The following TACR1 variants were observed in gnomAD, a reference collection of about 807,000 sequenced individuals.
The protein encoded by TACR1 is tachykinin receptor 1, also known as substance-P receptor.
In TACR1, 25 loss-of-function variants were observed where a neutral mutation model predicts 35.8. The observed-to-expected ratio is 0.70, with a 90% confidence interval of 0.51 to 0.98. The LOEUF (loss-of-function observed/expected upper bound fraction) is 0.98, where lower values mean the gene tolerates loss of function less well. TACR1 is among the 50% of genes least tolerant of loss of function. The pLI, the probability that TACR1 is intolerant of heterozygous loss-of-function variation, is 0.00. For missense variants in TACR1, 478 were observed against 522.9 expected, an observed-to-expected ratio of 0.91 and a Z score of 0.84; for synonymous variants, 195 against 206.7, an observed-to-expected ratio of 0.94 and a Z score of 0.48.
chr2:75,094,379 G>A (rs1035419716), intron 2 of TACR1, among the ~76,000 whole-genome samples: 3 of 152,098 alleles, frequency 2.0e-5, no homozygotes, highest in Non-Finnish European at 2.9e-5. Context: ...ATTTTTCCAG[G>A]CGCCATGAAA....
chr2:75,155,411 A>G (rs1414009237), intron 1 of TACR1, among the ~76,000 whole-genome samples: 1 of 150,148 alleles, frequency 6.7e-6, no homozygotes, highest in Non-Finnish European at 1.5e-5. Context: ...CTTTGCTTAC[A>G]TGCCCTTCTT....
chr2:75,187,020 G>T (rs1292856900), intron 1 of TACR1: 1 of 152,196 alleles, frequency 6.6e-6, no homozygotes, highest in Non-Finnish European at 1.5e-5. Context: ...CCAGCTCTTG[G>T]AAAACTGGCC....
chr2:75,077,292 A>G (rs551696806), intron 2 of TACR1, among the ~76,000 whole-genome samples: 130 of 152,290 alleles, frequency 8.5e-4, no homozygotes, highest in African/African-American at 2.8e-3. Flanking sequence ...TTTACTGATG[A>G]GAACAGAGGT....
At chr2:75,179,625 T>C (rs1675513203) in intron 1 of TACR1, among the ~76,000 whole-genome samples, 1 of 152,224 alleles carries the variant, frequency 6.6e-6, no homozygotes, top group Admixed American at 6.5e-5. Flanking sequence ...GGCCTGGCCA[T>C]GTGACTAGCT....
intron 1 of TACR1, among the ~76,000 whole-genome samples, chr2:75,171,496 T>A (rs1326662962): frequency 1.3e-5 from 2 of 152,174 alleles, no homozygotes; most frequent in African/African-American, 4.8e-5. Context: ...CACTGCCTAG[T>A]GGAGCTGTCA....
chr2:75,153,805 A>G (rs1218326210), intron 1 of TACR1, among the ~76,000 whole-genome samples: 1 of 152,208 alleles, frequency 6.6e-6, no homozygotes, highest in Non-Finnish European at 1.5e-5. Context: ...TCCTGTGTGC[A>G]AGGATTTAAT....
chr2:75,139,179 C>T (rs2103944530), intron 1 of TACR1, among the ~76,000 whole-genome samples: 1 of 152,246 alleles, frequency 6.6e-6, no homozygotes, highest in East Asian at 1.9e-4. Flanking sequence ...ATGGGGCTGT[C>T]CAGGTATCAT....
chr2:75,099,872 G>A (rs532214103), intron 2 of TACR1, among the ~76,000 whole-genome samples: 3 of 152,256 alleles, frequency 2.0e-5, no homozygotes, highest in South Asian at 2.1e-4. Context: ...TATGACTCAC[G>A]TTTTTATATC....
chr2:75,056,225 C>T (rs1396073498), intron 2 of TACR1, among the ~76,000 whole-genome samples: 2 of 152,172 alleles, frequency 1.3e-5, no homozygotes, highest in Non-Finnish European at 2.9e-5. Flanking sequence ...TGGGTCCCTG[C>T]AGCTCAGGGA....
At chr2:75,129,722 A>G (rs1674142787) in intron 1 of TACR1, among the ~76,000 whole-genome samples, 1 of 152,206 alleles carries the variant, frequency 6.6e-6, no homozygotes, top group Non-Finnish European at 1.5e-5. Flanking sequence ...CAGGCTATGT[A>G]AAAACTGCTG....
At chr2:75,169,023 C>A (rs1034953939) in intron 1 of TACR1, among the ~76,000 whole-genome samples, 1 of 152,092 alleles carries the variant, frequency 6.6e-6, no homozygotes. Context: ...ATCAGAATAA[C>A]CTAATTTACA....
chr2:75,192,727 A>C (rs554329888), intron 1 of TACR1, among the ~76,000 whole-genome samples: 2 of 152,264 alleles, frequency 1.3e-5, no homozygotes, highest in East Asian at 3.9e-4. Flanking sequence ...GGGGGTGGAG[A>C]GTGGGAGGAC....
chr2:75,065,493 GCTCTGCT>G (rs1248832676), intron 2 of TACR1, among the ~76,000 whole-genome samples: 1 of 152,132 alleles, frequency 6.6e-6, no homozygotes. Context: ...ATTGTGTTGT[GCTCTGCT>G]TGAGGTTGAG....
At chr2:75,138,824 C>T (rs1038986951) in intron 1 of TACR1, among the ~76,000 whole-genome samples, 5 of 152,096 alleles carry the variant, frequency 3.3e-5, no homozygotes, top group African/African-American at 1.2e-4. Flanking sequence ...GGCACTATGG[C>T]AGGAGCTGGG....
chr2:75,083,579 G>A (rs1673134173), intron 2 of TACR1, among the ~76,000 whole-genome samples: 1 of 152,288 alleles, frequency 6.6e-6, no homozygotes, highest in East Asian at 1.9e-4. Flanking sequence ...TCTTCCATTT[G>A]TTTGTATCCT....
At chr2:75,050,936 C>T in intron 4 of TACR1, 1 of 384,904 alleles carries the variant, frequency 2.6e-6, no homozygotes, top group Non-Finnish European at 4.9e-6. Flanking sequence ...GCAGACCTGC[C>T]TTACATGCAT....
At chr2:75,105,040 TA>T (rs1172425879) in intron 2 of TACR1, among the ~76,000 whole-genome samples, 1 of 152,122 alleles carries the variant, frequency 6.6e-6, no homozygotes, top group African/African-American at 2.4e-5. Context: ...TGTGGGTATA[TA>T]TCTGAAAGAA....
chr2:75,108,850 A>C (rs913032138), intron 2 of TACR1, among the ~76,000 whole-genome samples: 1 of 152,214 alleles, frequency 6.6e-6, no homozygotes, highest in Admixed American at 6.5e-5. Context: ...AATCATTTCA[A>C]AATTTGTACA....
intron 1 of TACR1, among the ~76,000 whole-genome samples, chr2:75,136,331 G>A (rs1246350686): frequency 6.6e-6 from 1 of 152,190 alleles, no homozygotes; most frequent in African/African-American, 2.4e-5. Context: ...ACGTGCTAAA[G>A]ACGTGCTTAT....
Sources: gnomAD v4.1 joint callset for allele counts (sites outside exome capture counted in the v4.1 genomes callset) on GRCh38, gnomAD v4.1.1 for gene constraint, MANE v1.5 for transcripts, NCBI Gene and HGNC (gene_info 2026-07-23, HGNC 2026-07-21) for gene names.